The following HHAT variants were observed in gnomAD, a reference collection of about 807,000 sequenced individuals.
The protein encoded by HHAT is protein-cysteine N-palmitoyltransferase HHAT.
A neutral mutation model predicts 70.8 loss-of-function variants in HHAT; 47 were observed. The observed-to-expected ratio is 0.66, with a 90% confidence interval of 0.53 to 0.85. The LOEUF (loss-of-function observed/expected upper bound fraction) is 0.85, where lower values mean the gene tolerates loss of function less well. Among genes scored for constraint, HHAT ranks in the 40% least tolerant of loss-of-function variants. The pLI is 0.00. For synonymous variants in HHAT, 228 were observed against 247.6 expected (o/e 0.92, Z 0.74); for missense variants, 609 against 604.8 (o/e 1.01, Z -0.07).
rs1232377845 is a variant in HHAT, at chr1:210,631,373, C to T, written c.1390+7703C>T. 4.6e-5 allele frequency among the ~76,000 whole-genome samples: 7 copies of T among 152,232 alleles called. No individual in the cohort carries two copies. The South Asian group carries it at 1.4e-3, about 32-fold the overall frequency. ...AGCAAGTTGGGAGGGTGACAAGAGT[C>T]AGACCTTCCAGCCTCTGGGACTGAT... On this transcript the variant is annotated intron_variant, in intron 11 of 11. Transcript: ENST00000261458.
intron 7 of HHAT, among the ~76,000 whole-genome samples, chr1:210,422,687 G>A (rs1361357123): frequency 1.3e-5 from 2 of 152,078 alleles, no homozygotes; most frequent in African/African-American, 4.8e-5. Context: ...GCCCAGGCTG[G>A]AGTGCAGTGG....
intron 11 of HHAT, among the ~76,000 whole-genome samples, chr1:210,671,751 T>A (rs1461581665): frequency 1.3e-5 from 2 of 152,228 alleles, no homozygotes; most frequent in African/African-American, 4.8e-5. Context: ...AATACATGTC[T>A]ATTGTTTTAA....
chr1:210,402,499 G>A (rs547016337), intron 5 of HHAT, among the ~76,000 whole-genome samples: 1 of 152,276 alleles, frequency 6.6e-6, no homozygotes, highest in Admixed American at 6.5e-5. Flanking sequence ...CTCTTTCAAA[G>A]TACAGCTTAG....
At position 210,586,503 on chromosome 1, in the gene HHAT, T is replaced by A. The variant is rs149052587; in HGVS notation, c.1044-1395T>A. 1.4e-4 allele frequency among the ~76,000 whole-genome samples: 22 copies of A among 152,290 alleles called. No homozygotes were observed. In the East Asian group the frequency reaches 3.9e-3, roughly 27 times the overall value. ...AACAATTTCCTCTCTAAAAACAATT[T>A]TATTTCCTCTTCAAAAACAAGTTTG... On this transcript the variant is annotated intron_variant, in intron 9 of 11. Transcript: ENST00000261458.
intron 9 of HHAT, among the ~76,000 whole-genome samples, chr1:210,523,218 T>C (rs1032384915): frequency 2.6e-5 from 4 of 152,108 alleles, no homozygotes; most frequent in African/African-American, 9.7e-5. Context: ...TTCCATCTCA[T>C]CTCACCATTA....
chr1:210,450,449 T>C (rs928958357), intron 7 of HHAT, among the ~76,000 whole-genome samples: 3 of 152,114 alleles, frequency 2.0e-5, no homozygotes, highest in Non-Finnish European at 2.9e-5. Flanking sequence ...ATGTTCTGAG[T>C]GCAACTTTCC....
chr1:210,370,106 G>A lies in HHAT; in HGVS notation c.159+7187G>A, dbSNP rs148752208. Among the ~76,000 whole-genome samples the A allele has an allele frequency of 8.0e-5, 12 of 150,166 alleles. No homozygotes were observed. The East Asian group carries it at 2.0e-3, about 24-fold the overall frequency. On this transcript the variant is annotated intron_variant, in intron 3 of 11. Transcript: ENST00000261458. The stretch of plus-strand genomic sequence containing the variant: ...CACACACTCTTGATCTGTTAGTTTT[G>A]CAGAGCTAAACCCTTGATTCTACCT...
intron 3 of HHAT, among the ~76,000 whole-genome samples, chr1:210,375,765 TTA>T (rs929749094): frequency 2.0e-5 from 3 of 152,014 alleles, no homozygotes; most frequent in Non-Finnish European, 4.4e-5. Flanking sequence ...TCTTTTGTTC[TTA>T]TATCAAGGGT....
At chr1:210,473,435 C>CG in intron 8 of HHAT, among the ~76,000 whole-genome samples, 1 of 152,006 alleles carries the variant, frequency 6.6e-6, no homozygotes, top group East Asian at 1.9e-4. Context: ...AGGAGGGGTC[C>CG]ATTCAGTTGA....
intron 7 of HHAT, among the ~76,000 whole-genome samples, chr1:210,444,802 C>T (rs2093601752): frequency 6.6e-6 from 1 of 152,160 alleles, no homozygotes; most frequent in Admixed American, 6.5e-5. Flanking sequence ...ACGTGAACCA[C>T]CATGCCCAGC....
chr1:210,505,013 C>T (rs1390839157), intron 8 of HHAT, among the ~76,000 whole-genome samples: 1 of 151,690 alleles, frequency 6.6e-6, no homozygotes, highest in South Asian at 2.1e-4. Context: ...ATTGTCCTGC[C>T]TCAGTCTCCC....
chr1:210,493,044 T>G (rs572183843), intron 8 of HHAT, among the ~76,000 whole-genome samples: 4 of 152,198 alleles, frequency 2.6e-5, no homozygotes, highest in Non-Finnish European at 5.9e-5. Context: ...TATCAGCAGT[T>G]GAAAGGATCA....
chr1:210,334,034 G>C (rs1571650787), intron 1 of HHAT, among the ~76,000 whole-genome samples: 2 of 151,978 alleles, frequency 1.3e-5, no homozygotes, highest in South Asian at 4.2e-4. Context: ...AGAAATTCAT[G>C]AAAATAAAGA....
chr1:210,484,753 C>T (rs2094449426), intron 8 of HHAT, among the ~76,000 whole-genome samples: 1 of 152,150 alleles, frequency 6.6e-6, no homozygotes, highest in Non-Finnish European at 1.5e-5. Context: ...GGATGCACCA[C>T]TTCCTGTGTT....
intron 7 of HHAT, among the ~76,000 whole-genome samples, chr1:210,427,974 C>T (rs1227894706): frequency 6.6e-6 from 1 of 151,780 alleles, no homozygotes; most frequent in Non-Finnish European, 1.5e-5. Context: ...TCTGGGTGCT[C>T]CTGTGTTGGG....
intron 9 of HHAT, among the ~76,000 whole-genome samples, chr1:210,559,072 C>T (rs17260557): frequency 0.056 from 8,517 of 152,232 alleles, 327 homozygotes; most frequent in Non-Finnish European, 0.077. Context: ...GCATTTGTTA[C>T]GTGCTTGGCA....
intron 9 of HHAT, among the ~76,000 whole-genome samples, chr1:210,526,912 C>T (rs943763889): frequency 6.6e-6 from 1 of 152,140 alleles, no homozygotes; most frequent in Non-Finnish European, 1.5e-5. Context: ...CAGCACAGAG[C>T]TCCTAAAACA....
chr1:210,421,568 C>T (rs1018106903), intron 7 of HHAT, among the ~76,000 whole-genome samples: 2 of 152,156 alleles, frequency 1.3e-5, no homozygotes, highest in Admixed American at 6.5e-5. Context: ...CCTCAGCCTC[C>T]CAAGTAGCTG....
At chr1:210,413,879 T>C (rs2092639270) in intron 6 of HHAT, among the ~76,000 whole-genome samples, 1 of 152,216 alleles carries the variant, frequency 6.6e-6, no homozygotes, top group Admixed American at 6.5e-5. Flanking sequence ...TTTACAGCAA[T>C]GTATACTGCT....
Sources: gnomAD v4.1 joint callset for allele counts (sites outside exome capture counted in the v4.1 genomes callset) on GRCh38, gnomAD v4.1.1 for gene constraint, MANE v1.5 for transcripts, NCBI Gene and HGNC (gene_info 2026-07-23, HGNC 2026-07-21) for gene names.